The following PCNX2 variants were observed in gnomAD, a reference collection of about 807,000 sequenced individuals.
The protein encoded by PCNX2 is pecanex 2.
PCNX2 carries 168 observed loss-of-function variants against 223.8 expected under a neutral mutation model. The ratio of observed to expected loss-of-function variants is 0.75; its 90% confidence interval spans 0.66 to 0.85. PCNX2 has a LOEUF of 0.85. PCNX2 is among the 40% of genes least tolerant of loss of function. The pLI, the probability that PCNX2 is intolerant of heterozygous loss-of-function variation, is 0.00. For missense variants in PCNX2, 2,507 were observed against 2,675.5 expected (o/e 0.94, Z 1.39); for synonymous variants, 1,006 against 1,052.6 (o/e 0.96, Z 0.86).
upstream of PCNX2, among the ~76,000 whole-genome samples, chr1:233,300,481 T>G (rs1662241018): frequency 6.6e-6 from 1 of 152,184 alleles, no homozygotes. Flanking sequence ...GCAAAGTGTG[T>G]TTACTCTAGC....
At chr1:233,233,424 C>CTCTGTG (rs1491577839) in intron 9 of PCNX2, among the ~76,000 whole-genome samples, 1 of 140,242 alleles carries the variant, frequency 7.1e-6, no homozygotes, top group African/African-American at 2.7e-5. Flanking sequence ...TCCTCTTCTC[C>CTCTGTG]TGTGTGTGTG....
intron 28 of PCNX2, among the ~76,000 whole-genome samples, chr1:233,007,118 G>A (rs1670312458): frequency 6.6e-6 from 1 of 151,712 alleles, no homozygotes; most frequent in Non-Finnish European, 1.5e-5. Context: ...TAGTCTCAGC[G>A]ACGTGGAAGG....
At chr1:233,148,430 CTT>C (rs3033312) in intron 19 of PCNX2, among the ~76,000 whole-genome samples, 13,907 of 144,058 alleles carry the variant, frequency 0.097, 1,908 homozygotes, top group African/African-American at 0.31. Context: ...TTTTTCTTTT[CTT>C]TTTTTTTTTT....
chr1:233,200,219 G>C lies in PCNX2; in HGVS notation c.2909C>G (p.Pro970Arg). ...ATAAGTGCAGAAAGTGTTGATTTGC[G>C]GGAAGAGCCCAAGGAGGGAAATAGC... ...FPAISLLGLF[P>R]QINTFCTYLL... is the part of the protein sequence containing the mutation. The change falls in exon 14 of 34, where the codon CCG (proline) becomes CGG (arginine). Residue 970 changes from proline (P) to arginine (R), a missense_variant. Physicochemically the swap from Pro to Arg is moderately radical, Grantham distance 103. Coordinates refer to ENST00000258229, the MANE Select transcript of PCNX2 (RefSeq NM_014801.4). 1.3e-6 allele frequency: 2 copies of C among 1,592,946 alleles called. No homozygotes were observed. The highest frequency in any genetic ancestry group is 1.7e-6 in the Non-Finnish European group (2 of 1,169,344).
chr1:233,200,229 CA>C lies in PCNX2; in HGVS notation c.2898del (p.Leu968SerfsTer29). ...AAAGTGTTGATTTGCGGGAAGAGCC[CA>C]AGGAGGGAAATAGCAGGGAAGCAAT... ...FLYCFPAISL[L>X]GLFPQINTFC... On this transcript the variant is annotated frameshift_variant, in exon 14 of 34. Transcript: ENST00000258229. LOFTEE classifies it high-confidence loss of function. 1 of 1,589,608 alleles carries C rather than the reference CA, an allele frequency of 6.3e-7. No homozygotes were observed. Among genetic ancestry groups the C allele is most frequent in the South Asian group, 1.2e-5 (1 of 86,726 alleles).
At chr1:233,271,725 T>C (rs1031855913) in intron 1 of PCNX2, among the ~76,000 whole-genome samples, 1 of 152,194 alleles carries the variant, frequency 6.6e-6, no homozygotes, top group African/African-American at 2.4e-5. Context: ...ATTTGTTGAA[T>C]AGGGTGTCCT....
intron 24 of PCNX2, among the ~76,000 whole-genome samples, chr1:233,055,463 TC>T (rs1672158983): frequency 6.6e-6 from 1 of 152,110 alleles, no homozygotes; most frequent in Admixed American, 6.6e-5. Context: ...GTAGTGCATT[TC>T]CTATATCCTC....
At chr1:233,230,040 T>C (rs78825792) in intron 9 of PCNX2, among the ~76,000 whole-genome samples, 2,715 of 152,334 alleles carry the variant, frequency 0.018, 80 homozygotes, top group African/African-American at 0.062. Context: ...AAAATACTTA[T>C]TGTGTAGGTT....
intron 12 of PCNX2, chr1:233,211,927 A>C (rs1353054019): frequency 2.1e-6 from 1 of 472,542 alleles, no homozygotes; most frequent in African/African-American, 2.1e-5. Context: ...GAAGGTGTCG[A>C]AAACCCAGAC....
chr1:233,028,958 C>T (rs1381947891), intron 25 of PCNX2, among the ~76,000 whole-genome samples: 1 of 151,604 alleles, frequency 6.6e-6, no homozygotes, highest in African/African-American at 2.4e-5. Flanking sequence ...CCTGCCTCAG[C>T]CTCCTGAGTA....
At chr1:233,197,363 C>T (rs1680796479) in intron 15 of PCNX2, among the ~76,000 whole-genome samples, 1 of 152,118 alleles carries the variant, frequency 6.6e-6, no homozygotes, top group South Asian at 2.1e-4. Flanking sequence ...TATAGGCAGC[C>T]ATTTTACCAA....
chr1:233,325,006 A>G, the PCNX2 span, among the ~76,000 whole-genome samples: 2 of 152,214 alleles, frequency 1.3e-5, no homozygotes, highest in South Asian at 2.1e-4. Context: ...TCTGCTAGAG[A>G]TGCACGAGGA....
At chr1:233,321,037 T>G in the PCNX2 span, among the ~76,000 whole-genome samples, 1 of 147,510 alleles carries the variant, frequency 6.8e-6, no homozygotes, top group African/African-American at 2.5e-5. Context: ...TTTTTTTTTT[T>G]TGAGATGGAG....
At chr1:233,261,842 G>T (rs1291943516) in intron 3 of PCNX2, among the ~76,000 whole-genome samples, 3 of 152,180 alleles carry the variant, frequency 2.0e-5, no homozygotes, top group Non-Finnish European at 4.4e-5. Flanking sequence ...AGTGTGCTTT[G>T]AACACACGAC....
At chr1:233,219,004 G>A (rs1657204257) in intron 10 of PCNX2, among the ~76,000 whole-genome samples, 1 of 152,106 alleles carries the variant, frequency 6.6e-6, no homozygotes, top group Non-Finnish European at 1.5e-5. Flanking sequence ...GCAACTTCCT[G>A]ACAGTGCAGA....
Position 233,263,017 on chromosome 1 carries a change from T to C in PCNX2, c.300A>G (p.Glu100=), listed in dbSNP as rs1192641686. The C allele has an allele frequency of 4.3e-6, 7 of 1,613,816 alleles. No individual in the cohort carries two copies. In the South Asian group the frequency reaches 7.7e-5, roughly 18 times the overall value. Residue 100 remains glutamate, a synonymous_variant, in exon 2 of 34, where the codon GAA becomes GAG. Coordinates refer to ENST00000258229, the MANE Select transcript of PCNX2 (RefSeq NM_014801.4). ...TGGCCTCCTTGTCTTTATTTGGCTT[T>C]TCTTCCTTTCTGGAGGGCTTTTGCT... The part of the protein sequence containing the change: ...VIQQKPSRKE[E]KPNKDKEAKG...
chr1:233,136,457 C>G (rs900896941), intron 20 of PCNX2, among the ~76,000 whole-genome samples: 1 of 152,094 alleles, frequency 6.6e-6, no homozygotes, highest in African/African-American at 2.4e-5. Context: ...GTTTTTTGTG[C>G]CTTCAGACCT....
At chr1:233,306,630 G>A in the PCNX2 span, among the ~76,000 whole-genome samples, 1 of 152,216 alleles carries the variant, frequency 6.6e-6, no homozygotes, top group Non-Finnish European at 1.5e-5. Context: ...TGTATGGCAT[G>A]TGAATTATAC....
At chr1:233,282,085 C>A (rs1254869414) in intron 1 of PCNX2, among the ~76,000 whole-genome samples, 1 of 152,106 alleles carries the variant, frequency 6.6e-6, no homozygotes, top group Non-Finnish European at 1.5e-5. Context: ...CCCAACACAC[C>A]ACTGAAAGTT....
Sources: gnomAD v4.1 joint callset for allele counts (sites outside exome capture counted in the v4.1 genomes callset) on GRCh38, gnomAD v4.1.1 for gene constraint, MANE v1.5 for transcripts, NCBI Gene and HGNC (gene_info 2026-07-23, HGNC 2026-07-21) for gene names.